The following DISC1 variants were observed in gnomAD, a reference collection of about 807,000 sequenced individuals.
The protein encoded by DISC1 is disrupted in schizophrenia 1 protein.
A neutral mutation model predicts 84.5 loss-of-function variants in DISC1; 57 were observed. That is an observed-to-expected ratio of 0.67 (90% CI 0.55 to 0.84). DISC1 has a LOEUF of 0.84. Ranked by LOEUF, DISC1 falls within the 40% of genes least tolerant of loss-of-function variation. The pLI, the probability that DISC1 is intolerant of heterozygous loss-of-function variation, is 0.00. For synonymous variants in DISC1, 411 were observed against 415.2 expected, an observed-to-expected ratio of 0.99 and a Z score of 0.12; for missense variants, 1,000 against 1,057.8, an observed-to-expected ratio of 0.95 and a Z score of 0.76.
chr1:231,832,630 A>C (rs2082322861), intron 9 of DISC1, among the ~76,000 whole-genome samples: 1 of 150,488 alleles, frequency 6.6e-6, no homozygotes, highest in South Asian at 2.1e-4. Context: ...GGGTCAGTCT[A>C]AGTGAAAGCG....
At chr1:231,635,987 G>A (rs374035011) in intron 1 of DISC1, among the ~76,000 whole-genome samples, 1 of 152,142 alleles carries the variant, frequency 6.6e-6, no homozygotes, top group Non-Finnish European at 1.5e-5. Context: ...TCATTAAGAA[G>A]TATTTAGCAC....
chr1:231,774,634 C>G (rs866002701), intron 6 of DISC1: 1 of 452,656 alleles, frequency 2.2e-6, no homozygotes, highest in Non-Finnish European at 4.4e-6. Flanking sequence ...TTTCTTCCAC[C>G]GTAGGGAGGT....
chr1:231,744,313 T>G (rs1351434635), intron 3 of DISC1, among the ~76,000 whole-genome samples: 1 of 152,186 alleles, frequency 6.6e-6, no homozygotes, highest in African/African-American at 2.4e-5. Context: ...AAGGTCTTAG[T>G]GCACTAGCCT....
At chr1:232,023,463 A>G (rs74144336) in intron 11 of DISC1, among the ~76,000 whole-genome samples, 4,545 of 152,278 alleles carry the variant, frequency 0.03, 219 homozygotes, top group African/African-American at 0.1. Context: ...ATTTAAATGA[A>G]CAAATTATTT....
intron 1 of DISC1, among the ~76,000 whole-genome samples, chr1:231,664,805 C>G (rs560581166): frequency 6.6e-6 from 1 of 151,528 alleles, no homozygotes; most frequent in Non-Finnish European, 1.5e-5. Flanking sequence ...GAGTCCACTT[C>G]TACATGAATT....
intron 3 of DISC1, chr1:231,724,090 C>G: frequency 1.1e-6 from 1 of 917,772 alleles, no homozygotes; most frequent in Non-Finnish European, 1.3e-6. Context: ...GATATTGTCA[C>G]CTGCTAATAG....
intron 9 of DISC1, among the ~76,000 whole-genome samples, chr1:231,860,272 A>C (rs1310400942): frequency 6.6e-6 from 1 of 152,236 alleles, no homozygotes; most frequent in African/African-American, 2.4e-5. Context: ...CACATTCAAC[A>C]TAATAATGCA....
intron 1 of DISC1, among the ~76,000 whole-genome samples, chr1:231,681,506 T>G (rs1465720447): frequency 6.6e-6 from 1 of 152,086 alleles, no homozygotes. Flanking sequence ...CTGGTTTACC[T>G]TGGCCTTGAA....
chr1:231,960,591 T>C (rs1382177322), intron 10 of DISC1, among the ~76,000 whole-genome samples: 6 of 152,210 alleles, frequency 3.9e-5, no homozygotes, highest in East Asian at 1.9e-4. Context: ...TGGACACTTA[T>C]GAGTGGAAAA....
At chr1:231,839,575 TA>T (rs1267860110) in intron 9 of DISC1, among the ~76,000 whole-genome samples, 2 of 152,180 alleles carry the variant, frequency 1.3e-5, no homozygotes, top group African/African-American at 2.4e-5. Context: ...GGCTAGCCAT[TA>T]AAATAACTTG....
intron 3 of DISC1, among the ~76,000 whole-genome samples, chr1:231,732,557 C>T (rs200420441): frequency 1.9e-3 from 291 of 152,206 alleles, no homozygotes; most frequent in Middle Eastern, 3.4e-3. Flanking sequence ...TTGTAGAGAT[C>T]CTTTGTAGAC....
chr1:231,880,639 GAAA>G (rs1457407799), intron 9 of DISC1, among the ~76,000 whole-genome samples: 1 of 152,132 alleles, frequency 6.6e-6, no homozygotes, highest in Non-Finnish European at 1.5e-5. Flanking sequence ...ATTTGCAGCA[GAAA>G]AAGAGTTAAA....
At chr1:231,791,854 A>G (rs955782025) in intron 6 of DISC1, among the ~76,000 whole-genome samples, 5 of 152,254 alleles carry the variant, frequency 3.3e-5, no homozygotes, top group Admixed American at 6.5e-5. Flanking sequence ...TTTGGGGACC[A>G]CAGTGTGATG....
intron 10 of DISC1, among the ~76,000 whole-genome samples, chr1:232,001,484 A>G (rs1200035794): frequency 2.0e-5 from 3 of 152,238 alleles, no homozygotes; most frequent in Non-Finnish European, 2.9e-5. Flanking sequence ...TGCCACCAGC[A>G]TATTGTAATA....
At chr1:231,908,734 G>T (rs572381578) in intron 9 of DISC1, among the ~76,000 whole-genome samples, 1 of 152,268 alleles carries the variant, frequency 6.6e-6, no homozygotes, top group African/African-American at 2.4e-5. Flanking sequence ...GATGCGGATG[G>T]CATTGAATCT....
At chr1:231,815,002 A>T (rs897298652) in intron 8 of DISC1, 1 of 150,144 alleles carries the variant, frequency 6.7e-6, no homozygotes, top group Non-Finnish European at 1.5e-5. Flanking sequence ...CTGTTTCCTA[A>T]AGTTGTGATG....
intron 8 of DISC1, among the ~76,000 whole-genome samples, chr1:231,809,717 A>G (rs373496250): frequency 4.6e-5 from 7 of 152,286 alleles, no homozygotes; most frequent in African/African-American, 1.4e-4. Flanking sequence ...AGATAAACAC[A>G]AAATGGGTGA....
intron 9 of DISC1, among the ~76,000 whole-genome samples, chr1:231,875,967 A>G (rs754745079): frequency 8.5e-5 from 13 of 152,208 alleles, no homozygotes; most frequent in Non-Finnish European, 1.9e-4. Flanking sequence ...CTTCCTAGGA[A>G]TGCTCTTGAA....
intron 1 of DISC1, among the ~76,000 whole-genome samples, chr1:231,667,178 G>A (rs2062099242): frequency 1.3e-5 from 2 of 152,144 alleles, no homozygotes; most frequent in South Asian, 4.1e-4. Flanking sequence ...TAACTTTAAG[G>A]TACTCAAGAG....
Sources: allele counts gnomAD v4.1 joint callset (sites outside exome capture counted in the v4.1 genomes callset), GRCh38; gene constraint gnomAD v4.1.1; transcripts MANE v1.5; gene names NCBI Gene and HGNC (gene_info 2026-07-23, HGNC 2026-07-21).